The following MARCHF3 variants were observed in gnomAD, a reference collection of about 807,000 sequenced individuals.
The protein encoded by MARCHF3 is E3 ubiquitin-protein ligase MARCHF3.
In MARCHF3, 13 loss-of-function variants were observed where a neutral mutation model predicts 24.2. The observed-to-expected ratio is 0.54, with a 90% CI of 0.35 to 0.85. The LOEUF is 0.85. Ranked by LOEUF, MARCHF3 falls within the 40% of genes least tolerant of loss-of-function variation. The pLI is 0.01. For synonymous variants in MARCHF3, 144 were observed against 137.3 expected (o/e 1.05, Z -0.34); for missense variants, 276 against 325.0 (o/e 0.85, Z 1.16).
intron 1 of MARCHF3, among the ~76,000 whole-genome samples, chr5:126,962,075 A>G (rs1750656149): frequency 6.6e-6 from 1 of 152,182 alleles, no homozygotes; most frequent in Admixed American, 6.5e-5. Context: ...TTTGTCCTAC[A>G]GAGTTAGGGA....
chr5:126,996,016 G>A (rs1450053254), intron 1 of MARCHF3, among the ~76,000 whole-genome samples: 1 of 152,222 alleles, frequency 6.6e-6, no homozygotes, highest in African/African-American at 2.4e-5. Flanking sequence ...AGACATTCCA[G>A]GCTTAGGGAC....
intron 1 of MARCHF3, among the ~76,000 whole-genome samples, chr5:126,937,250 G>A (rs1053348903): frequency 6.6e-6 from 1 of 152,216 alleles, no homozygotes; most frequent in Non-Finnish European, 1.5e-5. Flanking sequence ...GATGTCAACA[G>A]TAGACAGACA....
intron 1 of MARCHF3, among the ~76,000 whole-genome samples, chr5:126,922,672 G>A (rs184761205): frequency 2.6e-5 from 4 of 152,048 alleles, no homozygotes; most frequent in South Asian, 4.2e-4. Flanking sequence ...TCAGCCTCCC[G>A]AATAGCTGGG....
intron 1 of MARCHF3, among the ~76,000 whole-genome samples, chr5:126,992,892 C>T (rs1310495144): frequency 1.3e-5 from 2 of 152,022 alleles, no homozygotes; most frequent in South Asian, 4.2e-4. Flanking sequence ...CTGCCTCAGC[C>T]TCCCGAGTAG....
intron 1 of MARCHF3, among the ~76,000 whole-genome samples, chr5:127,017,238 T>C (rs1045136211): frequency 6.6e-6 from 1 of 152,204 alleles, no homozygotes; most frequent in African/African-American, 2.4e-5. Flanking sequence ...GTTGTGCACA[T>C]GTACCCTAGA....
chr5:126,890,362 G>A (rs1036814585), intron 3 of MARCHF3, among the ~76,000 whole-genome samples: 1 of 149,436 alleles, frequency 6.7e-6, no homozygotes, highest in Admixed American at 6.7e-5. Flanking sequence ...ATGTATACAT[G>A]TGCCATGCTG....
At chr5:126,979,623 C>A (rs900340913) in intron 1 of MARCHF3, among the ~76,000 whole-genome samples, 2 of 152,142 alleles carry the variant, frequency 1.3e-5, no homozygotes, top group Admixed American at 6.5e-5. Context: ...TTAGAGTTTT[C>A]TAATTTTGAA....
intron 1 of MARCHF3, among the ~76,000 whole-genome samples, chr5:126,928,469 G>A (rs1336996949): frequency 6.6e-6 from 1 of 152,116 alleles, no homozygotes; most frequent in African/African-American, 2.4e-5. Context: ...TTAAGTAAAG[G>A]AGATTGTCAA....
At chr5:126,928,702 C>G (rs1024203141) in intron 1 of MARCHF3, among the ~76,000 whole-genome samples, 1 of 152,000 alleles carries the variant, frequency 6.6e-6, no homozygotes, top group Non-Finnish European at 1.5e-5. Context: ...TTTTATTTTA[C>G]TTTTTGCATT....
At chr5:126,871,233 C>A (rs867295916) in intron 4 of MARCHF3, among the ~76,000 whole-genome samples, 44 of 152,282 alleles carry the variant, frequency 2.9e-4, no homozygotes, top group African/African-American at 1.0e-3. Context: ...GCAAGTTAGA[C>A]CCTGCACAAC....
intron 1 of MARCHF3, among the ~76,000 whole-genome samples, chr5:127,026,013 T>C (rs945936152): frequency 2.0e-5 from 3 of 151,542 alleles, no homozygotes; most frequent in African/African-American, 7.3e-5. Context: ...GATTTTGCTA[T>C]GGGGATAAGG....
At chr5:126,959,617 C>T (rs1754604934) in intron 1 of MARCHF3, among the ~76,000 whole-genome samples, 1 of 152,130 alleles carries the variant, frequency 6.6e-6, no homozygotes, top group Admixed American at 6.5e-5. Flanking sequence ...AAATATACCA[C>T]ACTAATGTAA....
intron 1 of MARCHF3, among the ~76,000 whole-genome samples, chr5:127,016,620 A>G (rs1370420606): frequency 1.3e-5 from 2 of 152,182 alleles, no homozygotes; most frequent in Non-Finnish European, 2.9e-5. Flanking sequence ...CAGATGCTGG[A>G]GAGGATGTGG....
At chr5:126,872,009 C>T (rs1752984544) in intron 4 of MARCHF3, among the ~76,000 whole-genome samples, 1 of 151,596 alleles carries the variant, frequency 6.6e-6, no homozygotes, top group Admixed American at 6.6e-5. Context: ...CTGTGTCCTG[C>T]CAAACCTCTC....
chr5:126,987,123 G>C (rs559795355), intron 1 of MARCHF3, among the ~76,000 whole-genome samples: 37 of 152,318 alleles, frequency 2.4e-4, no homozygotes, highest in Non-Finnish European at 5.3e-4. Flanking sequence ...TCAGCTGAAG[G>C]CCATAAGGGC....
At chr5:126,881,969 T>C (rs1164748406) in intron 3 of MARCHF3, among the ~76,000 whole-genome samples, 1 of 152,148 alleles carries the variant, frequency 6.6e-6, no homozygotes, top group Non-Finnish European at 1.5e-5. Flanking sequence ...TACTGAGAGA[T>C]GGCTGGGGCA....
At chr5:126,993,593 T>C (rs902822334) in intron 1 of MARCHF3, among the ~76,000 whole-genome samples, 1 of 152,206 alleles carries the variant, frequency 6.6e-6, no homozygotes, top group African/African-American at 2.4e-5. Flanking sequence ...TTTTCTGAGC[T>C]TATCTACAAA....
chr5:127,015,752 T>C (rs1299133354), intron 1 of MARCHF3, among the ~76,000 whole-genome samples: 2 of 152,200 alleles, frequency 1.3e-5, no homozygotes, highest in Non-Finnish European at 2.9e-5. Flanking sequence ...TATTTGTGGG[T>C]TCACTTTCTG....
intron 1 of MARCHF3, among the ~76,000 whole-genome samples, chr5:126,938,571 CA>C (rs1340934650): frequency 6.6e-6 from 1 of 150,960 alleles, no homozygotes; most frequent in African/African-American, 2.4e-5. Flanking sequence ...AAAAATTTTA[CA>C]AAAAAACCCT....
Sources: allele counts gnomAD v4.1 joint callset (sites outside exome capture counted in the v4.1 genomes callset), GRCh38; gene constraint gnomAD v4.1.1; transcripts MANE v1.5; gene names NCBI Gene and HGNC (gene_info 2026-07-23, HGNC 2026-07-21).